The following DAB1 variants were observed in gnomAD, a reference collection of about 807,000 sequenced individuals.
DAB1 encodes the protein disabled homolog 1.
Under a neutral mutation model 64.6 loss-of-function variants are expected in DAB1, and 15 were observed. That is an observed-to-expected ratio of 0.23 (90% CI 0.16 to 0.36). The LOEUF is 0.36. Ranked by LOEUF, DAB1 falls within the 10% of genes least tolerant of loss-of-function variation. The pLI is 1.00. For synonymous variants in DAB1, 235 were observed against 251.9 expected (o/e 0.93, Z 0.64); for missense variants, 596 against 706.7 (o/e 0.84, Z 1.78).
chr1:57,229,733 T>C (rs1667532219), intron 2 of DAB1, among the ~76,000 whole-genome samples: 1 of 152,218 alleles, frequency 6.6e-6, no homozygotes, highest in African/African-American at 2.4e-5. Context: ...ATATGGCCAT[T>C]TGAATTGTCC....
intron 2 of DAB1, among the ~76,000 whole-genome samples, chr1:57,203,895 T>C (rs1284774385): frequency 6.6e-6 from 1 of 152,126 alleles, no homozygotes; most frequent in Non-Finnish European, 1.5e-5. Context: ...GTTTGTTTTG[T>C]TTTGTTTTGT....
chr1:57,689,357 G>A lies in DAB1; in HGVS notation n.552-39692C>T, dbSNP rs575898218. ...TCACCAAGTAAAAACAGGTGGAGAT[G>A]GTAGTGAAGGTGATAATGGGGTTTA... is the stretch of plus-strand genomic sequence containing the variant. On this transcript the variant is annotated intron_variant and non_coding_transcript_variant, in intron 6 of 20. Transcript: ENST00000485760. Among the ~76,000 whole-genome samples the A allele has an allele frequency of 3.3e-5, 5 of 152,298 alleles. No individual in the cohort carries two copies. In the South Asian group the frequency reaches 1.0e-3, roughly 32 times the overall value.
chr1:57,916,878 G>T (rs1336648164), intron 5 of DAB1, among the ~76,000 whole-genome samples: 1 of 151,926 alleles, frequency 6.6e-6, no homozygotes, highest in Non-Finnish European at 1.5e-5. Flanking sequence ...GGGAGGCGGA[G>T]ATTGCAGTGA....
intron 5 of DAB1, among the ~76,000 whole-genome samples, chr1:58,031,534 G>A (rs1288014259): frequency 3.9e-5 from 6 of 152,110 alleles, no homozygotes; most frequent in East Asian, 1.9e-4. Flanking sequence ...TTCTTCCATC[G>A]CCAGGATGGC....
chr1:57,260,411 T>C, intron 2 of DAB1, among the ~76,000 whole-genome samples: 1 of 152,166 alleles, frequency 6.6e-6, no homozygotes, highest in East Asian at 1.9e-4. Flanking sequence ...CAAATCCATT[T>C]AACAGATGAT....
chr1:57,662,356 C>T (rs1304210066), intron 6 of DAB1, among the ~76,000 whole-genome samples: 1 of 152,062 alleles, frequency 6.6e-6, no homozygotes, highest in East Asian at 1.9e-4. Context: ...GCCACCACGC[C>T]CGGCTAATTT....
intron 2 of DAB1, among the ~76,000 whole-genome samples, chr1:57,175,626 G>A (rs184010318): frequency 6.6e-5 from 10 of 152,182 alleles, no homozygotes; most frequent in South Asian, 4.1e-4. Context: ...CCATTTACAT[G>A]GCGTATCTGC....
chr1:57,980,310 T>C (rs928517147), intron 5 of DAB1, among the ~76,000 whole-genome samples: 1 of 152,086 alleles, frequency 6.6e-6, no homozygotes, highest in Non-Finnish European at 1.5e-5. Flanking sequence ...GCTCTTTTAT[T>C]ACCTTCTCAT....
chr1:57,335,805 C>A (rs1247252839), intron 1 of DAB1, among the ~76,000 whole-genome samples: 1 of 152,134 alleles, frequency 6.6e-6, no homozygotes. Context: ...GTCAATCTGG[C>A]CCAGAACTAA....
intron 9 of DAB1, among the ~76,000 whole-genome samples, chr1:57,053,666 G>GTA (rs71051215): frequency 0.022 from 2,159 of 98,974 alleles, 102 homozygotes; most frequent in East Asian, 0.072. Flanking sequence ...CTCTCTATAT[G>GTA]TATATATATA....
At chr1:58,187,002 T>A (rs142404695) in intron 4 of DAB1, among the ~76,000 whole-genome samples, 159 of 152,280 alleles carry the variant, frequency 1.0e-3, no homozygotes, top group African/African-American at 3.7e-3. Context: ...TGGCAAAAAG[T>A]GTGAACACAG....
In DAB1 at chr1:57,933,899, GTCT is replaced by G. The variant is rs1570022091; in HGVS notation, n.388-49740_388-49738del. Among the ~76,000 whole-genome samples the G allele has an allele frequency of 2.1e-5, 3 of 144,648 alleles. No homozygotes were observed. In the East Asian group the frequency reaches 5.9e-4, roughly 29 times the overall value. The allele number at this position is 144,648 out of a possible 152,430, so 94.9% of individuals were successfully genotyped here. ...GAAAATATTTGATTTGATGTGGTCA[GTCT>G]TTTTTTTTTTTGAGACCGAGTCTCA... On this transcript the variant is annotated intron_variant and non_coding_transcript_variant, in intron 5 of 20. Transcript: ENST00000485760.
At chr1:57,344,325 C>G (rs906358494) in intron 1 of DAB1, among the ~76,000 whole-genome samples, 1 of 152,172 alleles carries the variant, frequency 6.6e-6, no homozygotes, top group Non-Finnish European at 1.5e-5. Context: ...CTGCCTAGCT[C>G]TTTCTCTTAC....
intron 5 of DAB1, among the ~76,000 whole-genome samples, chr1:58,136,993 G>A (rs1181566670): frequency 6.6e-6 from 1 of 152,076 alleles, no homozygotes; most frequent in East Asian, 1.9e-4. Context: ...ACTGATGTGG[G>A]TATGGAGAAA....
chr1:57,977,904 G>C (rs1051635169), intron 5 of DAB1, among the ~76,000 whole-genome samples: 2 of 152,114 alleles, frequency 1.3e-5, no homozygotes, highest in Admixed American at 6.6e-5. Flanking sequence ...ACTGCTCAAC[G>C]AAATAAGAGA....
chr1:57,454,746 G>C (rs753983665), intron 7 of DAB1, among the ~76,000 whole-genome samples: 27 of 152,130 alleles, frequency 1.8e-4, no homozygotes, highest in South Asian at 1.0e-3. Flanking sequence ...TCTAGACCGG[G>C]AGGAAAAGTT....
chr1:57,502,177 C>T (rs577742005), intron 7 of DAB1, among the ~76,000 whole-genome samples: 5 of 151,770 alleles, frequency 3.3e-5, no homozygotes, highest in East Asian at 1.9e-4. Flanking sequence ...AAAAATTAGC[C>T]GGTGTGGTGG....
chr1:57,356,772 G>A (rs767666951), intron 1 of DAB1, among the ~76,000 whole-genome samples: 1 of 152,026 alleles, frequency 6.6e-6, no homozygotes, highest in Non-Finnish European at 1.5e-5. Context: ...TTGGGGGACT[G>A]ATACCATCCT....
At chr1:57,444,877 G>T (rs1220905098) in intron 7 of DAB1, among the ~76,000 whole-genome samples, 1 of 152,182 alleles carries the variant, frequency 6.6e-6, no homozygotes, top group East Asian at 1.9e-4. Context: ...CGTGTTTGTG[G>T]TAGTTTATTA....
Sources: allele counts gnomAD v4.1 joint callset (sites outside exome capture counted in the v4.1 genomes callset), GRCh38; gene constraint gnomAD v4.1.1; transcripts MANE v1.5; gene names NCBI Gene and HGNC (gene_info 2026-07-23, HGNC 2026-07-21).